Variants in F8 observed in about 807,000 individuals in gnomAD.
The protein encoded by F8 is coagulation factor VIII, also known as antihemophilic factor.
A neutral mutation model predicts 140.6 loss-of-function variants in F8; 12 were observed. That is an observed-to-expected ratio of 0.09 (90% confidence interval 0.05 to 0.14). The LOEUF is 0.14. Among genes scored for constraint, F8 ranks in the 10% least tolerant of loss-of-function variants. The pLI is 1.00. For synonymous variants in F8, 585 were observed against 614.6 expected (o/e 0.95, Z 0.71); for missense variants, 1,354 against 1,720.7 (o/e 0.79, Z 3.77).
At chrX:155,007,903 C>T (rs1557286191) in intron 1 of F8, among the ~76,000 whole-genome samples, 1 of 107,371 alleles carries the variant, frequency 9.3e-6, no homozygotes, top group Non-Finnish European at 1.9e-5. Flanking sequence ...TTCTCGGTGG[C>T]CAGACACACT....
intron 25 of F8, among the ~76,000 whole-genome samples, chrX:154,856,666 C>A (rs1324772069): frequency 1.8e-5 from 2 of 112,070 alleles, no homozygotes; most frequent in African/African-American, 6.5e-5. Context: ...ACAGACCCAG[C>A]ACTCCTTGAA....
intron 14 of F8, among the ~76,000 whole-genome samples, chrX:154,921,774 C>T (rs1209074502): frequency 1.9e-5 from 2 of 106,209 alleles, no homozygotes; most frequent in Non-Finnish European, 3.8e-5. Flanking sequence ...CAAACTATCG[C>T]AAGGACAAAA....
intron 1 of F8, among the ~76,000 whole-genome samples, chrX:155,020,388 C>T (rs189124841): frequency 2.0e-4 from 22 of 112,004 alleles, no homozygotes; most frequent in African/African-American, 7.1e-4. Flanking sequence ...TGAAGCAATG[C>T]ATATAAAAAG....
rs185717259 is a variant in F8, at chrX:154,941,003, C to T, written c.2113+6695G>A. ...CACCACCAGGCCTGACCTAAGAGAG[C>T]TTCTGAAGGAAGCACTAAACATGGA... On this transcript the variant is annotated intron_variant, in intron 13 of 25. Coordinates refer to ENST00000360256, the MANE Select transcript of F8 (RefSeq NM_000132.4). Among the ~76,000 whole-genome samples, 17 of 111,944 alleles carry T rather than the reference C, an allele frequency of 1.5e-4. 1 individual carries two copies. In the East Asian group the frequency reaches 4.7e-3, roughly 31 times the overall value.
At chrX:154,915,629 T>A (rs1159749963) in intron 14 of F8, among the ~76,000 whole-genome samples, 1 of 112,258 alleles carries the variant, frequency 8.9e-6, no homozygotes, top group African/African-American at 3.2e-5. Flanking sequence ...TGTTAGCTCT[T>A]GGTATATAGA....
intron 13 of F8, among the ~76,000 whole-genome samples, chrX:154,937,593 A>G (rs1165416491): frequency 3.6e-5 from 4 of 111,131 alleles, no homozygotes; most frequent in African/African-American, 1.3e-4. Flanking sequence ...ATTACAAATA[A>G]CTTACTTCAA....
At chrX:154,922,737 A>C (rs1388398851) in intron 14 of F8, among the ~76,000 whole-genome samples, 2 of 111,697 alleles carry the variant, frequency 1.8e-5, no homozygotes, top group African/African-American at 6.5e-5. Context: ...CATCTAGTCC[A>C]TTTGAGAAGA....
chrX:154,847,626 C>T (rs1267864176), intron 25 of F8, among the ~76,000 whole-genome samples: 1 of 112,144 alleles, frequency 8.9e-6, no homozygotes, highest in Non-Finnish European at 1.9e-5. Context: ...CCATGGTTTT[C>T]AGCTCCATCA....
chrX:154,869,873 G>C (rs190120495), intron 22 of F8, among the ~76,000 whole-genome samples: 32 of 111,839 alleles, frequency 2.9e-4, no homozygotes, highest in African/African-American at 1.0e-3. Context: ...TATCACCACT[G>C]ATCCCACAGA....
At chrX:155,012,786 G>T (rs949123288) in intron 1 of F8, among the ~76,000 whole-genome samples, 18 of 109,053 alleles carry the variant, frequency 1.7e-4, no homozygotes, top group Admixed American at 5.8e-4. Context: ...ATTTAAAAAA[G>T]AAATGATACC....
rs782773446 is a variant in F8 at position 154,888,481 on chromosome X, G to A, written c.6429+7596C>T. On this transcript the variant is annotated intron_variant, in intron 22 of 25. Transcript: ENST00000360256. ...GTGATCTCGGCTCACTGCAACCTCCGCCTCCTGGGTTCAAGCGATTCTCCT... is the reference window on the plus strand; with the variant it reads ...GTGATCTCGGCTCACTGCAACCTCCACCTCCTGGGTTCAAGCGATTCTCCT... Among the ~76,000 whole-genome samples, 5 of 66,492 alleles carry A rather than the reference G, an allele frequency of 7.5e-5. No individual in the cohort carries two copies. In the South Asian group the frequency reaches 3.7e-3, roughly 49 times the overall value. 57.7% of individuals were successfully genotyped at this position (66,492 alleles called of 115,157 possible).
intron 22 of F8, among the ~76,000 whole-genome samples, chrX:154,865,569 TA>T (rs1370471793): frequency 1.8e-5 from 2 of 110,107 alleles, no homozygotes; most frequent in Non-Finnish European, 3.8e-5. Flanking sequence ...GTCGATTACA[TA>T]AAGTTGTGGC....
rs1557278406 is a variant in F8, at chrX:154,929,310, C to T, written c.4480G>A (p.Val1494Ile). The T allele has an allele frequency of 2.5e-6, 3 of 1,212,017 alleles. No homozygotes were observed. ...GGTTTCGGGAGAACAGTGTTCTCAACTTTCTTGTATGTGACTGAATTTGTG... is the reference window on the plus strand; with the variant it reads ...GGTTTCGGGAGAACAGTGTTCTCAATTTTCTTGTATGTGACTGAATTTGTG... ...SATNSVTYKK[V>I]ENTVLPKPDL... The change falls in exon 14 of 26, where the codon GTT (valine) becomes ATT (isoleucine). Residue 1494 changes from valine (V) to isoleucine (I), a missense_variant. Physicochemically the swap from Val to Ile is conservative, Grantham distance 29 (BLOSUM62 3). Around this residue, in one of 4 missense-constraint regions of F8, gnomAD observed 658 missense variants for 666.5 expected, o/e 0.99. Coordinates refer to ENST00000360256, the MANE Select transcript of F8 (RefSeq NM_000132.4).
chrX:154,897,834 C>G (rs782173999), intron 21 of F8: 6 of 112,442 alleles, frequency 5.3e-5, no homozygotes, highest in African/African-American at 1.9e-4. Context: ...GGCAGCCTAC[C>G]TACATTCTGC....
intron 14 of F8, among the ~76,000 whole-genome samples, chrX:154,920,461 A>G (rs1412708258): frequency 3.7e-5 from 4 of 109,199 alleles, no homozygotes; most frequent in Non-Finnish European, 7.6e-5. Flanking sequence ...ACATATTATT[A>G]TTTTTTTTGA....
At position 154,842,863 on chromosome X, in the gene F8, T is replaced by C. The variant is rs1603431068; in HGVS notation, c.6901-5111A>G. Among the ~76,000 whole-genome samples the C allele has an allele frequency of 3.6e-5, 4 of 111,566 alleles. No individual in the cohort carries two copies. The Admixed American group carries it at 3.8e-4, about 11-fold the overall frequency. ...GCACAACGTGCAGGTTTGTTACATA[T>C]GTATACATGTGCCATGTTGGTGTGC... On this transcript the variant is annotated intron_variant, in intron 25 of 25. Coordinates refer to ENST00000360256, the MANE Select transcript of F8 (RefSeq NM_000132.4).
intron 22 of F8, among the ~76,000 whole-genome samples, chrX:154,865,268 C>A (rs1490265374): frequency 6.3e-5 from 7 of 110,398 alleles, no homozygotes; most frequent in African/African-American, 2.3e-4. Flanking sequence ...AAAGATAAAG[C>A]CTTTCTCAAA....
chrX:154,839,150 T>C (rs2072498291), intron 25 of F8, among the ~76,000 whole-genome samples: 1 of 109,719 alleles, frequency 9.1e-6, no homozygotes, highest in South Asian at 3.9e-4. Flanking sequence ...CCTTTGTATA[T>C]GTGATTCCCT....
intron 6 of F8, among the ~76,000 whole-genome samples, chrX:154,975,405 T>C (rs1026123489): frequency 2.7e-5 from 3 of 112,456 alleles, no homozygotes; most frequent in Admixed American, 9.4e-5. Flanking sequence ...TGTTGATTTA[T>C]AGTTTTATTC....
Sources: gnomAD v4.1 joint callset for allele counts (sites outside exome capture counted in the v4.1 genomes callset) on GRCh38, gnomAD v4.1.1 for gene constraint, gnomAD v4.1.1 regional missense constraint, MANE v1.5 for transcripts, NCBI Gene and HGNC (gene_info 2026-07-23, HGNC 2026-07-21) for gene names.